WNT16: variants seen among roughly 807,000 people sequenced by gnomAD.
The protein encoded by WNT16 is protein Wnt-16.
A neutral mutation model predicts 35.4 loss-of-function variants in WNT16; 20 were observed. That is an observed-to-expected ratio of 0.56 (90% CI 0.40 to 0.82). The LOEUF (loss-of-function observed/expected upper bound fraction) is 0.82. Among genes scored for constraint, WNT16 ranks in the 40% least tolerant of loss-of-function variants. WNT16 has a pLI of 0.00. For synonymous variants in WNT16, 180 were observed against 179.2 expected, an observed-to-expected ratio of 1.00 and a Z score of -0.03; for missense variants, 461 against 466.0, an observed-to-expected ratio of 0.99 and a Z score of 0.10.
chr7:121,329,331 C>G lies in WNT16; in HGVS notation c.39C>G (p.Cys13Trp), dbSNP rs748945275. 6.3e-7 allele frequency: 1 copy of G among 1,597,778 alleles called. No homozygotes were observed. Among genetic ancestry groups the G allele is most frequent in the Non-Finnish European group, 8.5e-7 (1 of 1,172,416 alleles). ...RAALLGLARLCALWAALLVLF... is the reference protein window; with the variant it reads ...RAALLGLARLWALWAALLVLF... ...CGCTCCTGGGACTGGCCCGCTTGTG[C>G]GCGCTGTGGGCAGCCCTGCTCGTGC... Residue 13 changes from cysteine to tryptophan, a missense_variant, in exon 1 of 4, where the codon TGC becomes TGG. Coordinates refer to ENST00000222462, the MANE Select transcript of WNT16 (RefSeq NM_057168.2).
intron 2 of WNT16, 118 bp downstream of exon 2, chr7:121,329,935 A>G: frequency 1.4e-6 from 2 of 1,442,542 alleles, no homozygotes; most frequent in Non-Finnish European, 1.8e-6. Flanking sequence ...TTCCAGAAGA[A>G]GCCCTTTAGT....
At chr7:121,329,451 A>G (rs2116831182) in intron 1 of WNT16, 64 bp downstream of exon 1, 10 of 1,590,720 alleles carry the variant, frequency 6.3e-6, no homozygotes, top group East Asian at 2.2e-5. Context: ...ATCCTAGGGA[A>G]CTTTCAACTG....
At chr7:121,336,667 A>G (rs774696393) in intron 3 of WNT16, among the ~76,000 whole-genome samples, 15 of 152,172 alleles carry the variant, frequency 9.9e-5, no homozygotes, top group Non-Finnish European at 1.9e-4. Flanking sequence ...GGTGGTTTTT[A>G]TTACTCCCTC....
At chr7:121,335,108 C>T (rs774102798) in intron 3 of WNT16, among the ~76,000 whole-genome samples, 5 of 152,202 alleles carry the variant, frequency 3.3e-5, no homozygotes, top group South Asian at 2.1e-4. Flanking sequence ...AACCTCGTGT[C>T]GCAGTTTTTA....
At chr7:121,325,907 G>A (rs186952846), upstream of WNT16, among the ~76,000 whole-genome samples, 362 of 151,582 alleles carry the variant, frequency 2.4e-3, no homozygotes, top group African/African-American at 8.3e-3. Flanking sequence ...TGAATATAAC[G>A]GTGCACACTT....
upstream of WNT16, among the ~76,000 whole-genome samples, chr7:121,326,038 C>CAAAAA (rs386411143): frequency 0.15 from 3,371 of 23,054 alleles, 406 homozygotes; most frequent in Non-Finnish European, 0.25. Flanking sequence ...TACCTCATCT[C>CAAAAA]AAAAAAAAAA....
At chr7:121,338,249 C>T (rs1249336359) in intron 3 of WNT16, among the ~76,000 whole-genome samples, 2 of 152,168 alleles carry the variant, frequency 1.3e-5, no homozygotes, top group African/African-American at 2.4e-5. Flanking sequence ...GGACACCCCA[C>T]CCCCTGCCCG....
intron 3 of WNT16, among the ~76,000 whole-genome samples, chr7:121,334,669 G>A (rs548800786): frequency 2.8e-4 from 43 of 152,132 alleles, no homozygotes; most frequent in Admixed American, 1.4e-3. Context: ...TTTTCTAACC[G>A]CTAACCTTAA....
rs774067337 is a variant in WNT16, at chr7:121,329,273, G to A, written c.-20G>A. ...GTGCAAAAGAGGAGCGGCTGGGCTG[G>A]GGGACTCCATGCGGGGGCGATGGAC... On this transcript the variant is annotated 5_prime_UTR_variant, in exon 1 of 4. Coordinates refer to ENST00000222462, the MANE Select transcript of WNT16 (RefSeq NM_057168.2). 1.8e-5 allele frequency: 28 copies of A among 1,541,926 alleles called. No homozygotes were observed. In the East Asian group the frequency reaches 2.9e-4, roughly 16 times the overall value.
chr7:121,330,036 G>A (rs1484651913), intron 2 of WNT16, among the ~76,000 whole-genome samples: 1 of 152,250 alleles, frequency 6.6e-6, no homozygotes. Flanking sequence ...CGGAGCTCTA[G>A]GGGCTGGAGC....
upstream of WNT16, among the ~76,000 whole-genome samples, chr7:121,325,928 C>G (rs1256549965): frequency 6.7e-6 from 1 of 150,128 alleles, no homozygotes; most frequent in Non-Finnish European, 1.5e-5. Context: ...GTAGTCCCAG[C>G]TACTCAGGAG....
At position 121,329,766 on chromosome 7, in the gene WNT16, A is replaced by C. The variant is rs115876139; in HGVS notation, c.295A>C (p.Thr99Pro). Residue 99 changes from threonine to proline, a missense_variant, in exon 2 of 4, where the codon ACT becomes CCT. Thr to Pro is a conservative substitution (Grantham distance 38). Transcript: ENST00000222462. ...RWNCMITAAA[T>P]TAPMGASPLF... ...GAACTGCATGATCACCGCCGCCGCCACTACCGCCCCGATGGGCGCCAGCCC... is the reference window on the plus strand; with the variant it reads ...GAACTGCATGATCACCGCCGCCGCCCCTACCGCCCCGATGGGCGCCAGCCC... 1 of 1,609,306 alleles carries C rather than the reference A, an allele frequency of 6.2e-7. No homozygotes were observed. The highest frequency in any genetic ancestry group is 8.5e-7 in the Non-Finnish European group (1 of 1,180,018).
rs201527555 is a variant in WNT16 at position 121,329,774 on chromosome 7, C to T, written c.303C>T (p.Ala101=). 6 of 1,608,306 alleles carry T rather than the reference C, an allele frequency of 3.7e-6. No homozygotes were observed. The highest frequency in any genetic ancestry group is 1.7e-5 in the Admixed American group (1 of 60,016). The change falls in exon 2 of 4, where the codon GCC becomes GCT. Residue 101 remains alanine (A), a synonymous_variant. Coordinates refer to ENST00000222462, the MANE Select transcript of WNT16 (RefSeq NM_057168.2). ...NCMITAAATT[A]PMGASPLFGY... Reference sequence around the variant, plus strand: ...TGATCACCGCCGCCGCCACTACCGCCCCGATGGGCGCCAGCCCCCTCTTTG... The same window carrying T: ...TGATCACCGCCGCCGCCACTACCGCTCCGATGGGCGCCAGCCCCCTCTTTG...
Position 121,339,060 on chromosome 7 carries a change from A to G in WNT16, c.813A>G (p.Glu271=). The G allele has an allele frequency of 6.2e-7, 1 of 1,614,178 alleles. No individual in the cohort carries two copies. Among genetic ancestry groups the G allele is most frequent in the Non-Finnish European group, 8.5e-7 (1 of 1,180,026 alleles). The change falls in exon 4 of 4, where the codon GAA becomes GAG. Residue 271 remains glutamate, a synonymous_variant. Transcript: ENST00000222462. The part of the protein sequence containing the change: ...DKTKRKMRRR[E]KDQRKIPIHK... ...CAAAGAGGAAAATGCGCAGGAGAGA[A>G]AAAGATCAGAGGAAAATACCAATCC...
In WNT16 at chr7:121,339,568, T is replaced by TG; in HGVS notation, c.*223_*224insG. The TG allele has an allele frequency of 1.9e-6, 1 of 522,658 alleles. No homozygotes were observed. The highest frequency in any genetic ancestry group is 3.4e-6 in the Non-Finnish European group (1 of 295,800). 32.4% of individuals were successfully genotyped at this position (522,658 alleles called of 1,614,324 possible). A position where few individuals can be genotyped will look rare whatever the true frequency, so the allele number is the denominator to read the frequency against. ...GGGATTCTAATGTTGAAAAGGTTTA[T>TG]ATTCACCTTTTGATGATTTGGGGAA... is the stretch of plus-strand genomic sequence containing the variant. On this transcript the variant is annotated 3_prime_UTR_variant, in exon 4 of 4. Coordinates refer to ENST00000222462, the MANE Select transcript of WNT16 (RefSeq NM_057168.2).
rs1156760852 is a variant in WNT16, at chr7:121,340,577, T to C, written c.*1232T>C. On this transcript the variant is annotated 3_prime_UTR_variant, in exon 4 of 4. Transcript: ENST00000222462. ...GCAGTAAGATTAATTGAATTCTCTT[T>C]TCACATTAGTTATGCTTAACTCATA... is the stretch of plus-strand genomic sequence containing the variant. 3 of 152,040 alleles carry C rather than the reference T, an allele frequency of 2.0e-5. No individual in the cohort carries two copies. The highest frequency in any genetic ancestry group is 6.5e-5 in the Admixed American group (1 of 15,278). The allele number at this position is 152,040 out of a possible 1,614,324, so 9.4% of individuals were successfully genotyped here.
At chr7:121,331,086 G>C (rs971524658) in intron 2 of WNT16, among the ~76,000 whole-genome samples, 4 of 152,182 alleles carry the variant, frequency 2.6e-5, no homozygotes, top group Non-Finnish European at 5.9e-5. Flanking sequence ...TATATAAAAT[G>C]TTTAACTGTT....
At chr7:121,330,825 A>G (rs532270216) in intron 2 of WNT16, among the ~76,000 whole-genome samples, 2 of 151,754 alleles carry the variant, frequency 1.3e-5, no homozygotes, top group African/African-American at 2.4e-5. Context: ...CGGGCATGAA[A>G]CTGTTTCTAC....
chr7:121,330,714 G>GAAAAAA (rs11371537), intron 2 of WNT16, among the ~76,000 whole-genome samples: 7 of 88,138 alleles, frequency 7.9e-5, no homozygotes, highest in Admixed American at 2.5e-4. Flanking sequence ...CCCGTAGAGA[G>GAAAAAA]AAAAAAAAAA....
Sources: gnomAD v4.1 joint callset for allele counts (sites outside exome capture counted in the v4.1 genomes callset) on GRCh38, gnomAD v4.1.1 for gene constraint, MANE v1.5 for transcripts, NCBI Gene and HGNC (gene_info 2026-07-23, HGNC 2026-07-21) for gene names.